ARMC9: variants seen among roughly 807,000 people sequenced by gnomAD.
ARMC9 encodes armadillo repeat containing 9, also known as lisH domain-containing protein ARMC9.
Under a neutral mutation model 107.0 loss-of-function variants are expected in ARMC9, and 94 were observed. The ratio of observed to expected loss-of-function variants is 0.88; its 90% CI spans 0.74 to 1.04. The LOEUF is 1.04. Ranked by LOEUF, ARMC9 falls within the 50% of genes least tolerant of loss-of-function variation. ARMC9 has a pLI of 0.00. For synonymous variants in ARMC9, 380 were observed against 396.9 expected, an observed-to-expected ratio of 0.96 and a Z score of 0.51; for missense variants, 942 against 1,030.1, an observed-to-expected ratio of 0.91 and a Z score of 1.17.
In ARMC9 at chr2:231,372,421, T is replaced by G. The variant is rs2046056183; in HGVS notation, c.*886T>G. The G allele has an allele frequency of 6.6e-6, 1 of 152,156 alleles. No homozygotes were observed. Among genetic ancestry groups the G allele is most frequent in the Non-Finnish European group, 1.5e-5 (1 of 68,070 alleles). 9.4% of individuals were successfully genotyped at this position (152,156 alleles called of 1,614,324 possible). On this transcript the variant is annotated 3_prime_UTR_variant, in exon 25 of 25. Transcript: ENST00000611582. ...TGTTCCAGCCTCTTCAAAGCTCTGC[T>G]CTTCTGCACACGTTTTTTGAAGGCC...
intron 17 of ARMC9, among the ~76,000 whole-genome samples, chr2:231,282,666 T>C (rs1005023498): frequency 2.6e-5 from 4 of 152,258 alleles, no homozygotes; most frequent in Admixed American, 2.6e-4. Context: ...GGATTAAATA[T>C]ATTTCCACCT....
chr2:231,314,592 C>T (rs756889971), intron 19 of ARMC9, among the ~76,000 whole-genome samples: 5 of 152,294 alleles, frequency 3.3e-5, no homozygotes, highest in South Asian at 2.1e-4. Context: ...GGGTGTTTAG[C>T]GGCATCCATG....
intron 21 of ARMC9, among the ~76,000 whole-genome samples, chr2:231,354,376 A>ATTTTTTT (rs67988812): frequency 1.5e-5 from 1 of 66,644 alleles, no homozygotes; most frequent in African/African-American, 5.6e-5. Flanking sequence ...AGCCATGTGA[A>ATTTTTTT]TTTTTTTTTT....
At chr2:231,240,354 A>G (rs1014791359) in intron 9 of ARMC9, among the ~76,000 whole-genome samples, 2 of 152,208 alleles carry the variant, frequency 1.3e-5, no homozygotes, top group African/African-American at 2.4e-5. Context: ...AAGCACTGCC[A>G]TAGTGGAAAT....
intron 19 of ARMC9, among the ~76,000 whole-genome samples, chr2:231,296,706 T>G (rs1420295626): frequency 6.6e-6 from 1 of 152,212 alleles, no homozygotes; most frequent in African/African-American, 2.4e-5. Flanking sequence ...TTATTTGCAT[T>G]CTTTTGACTT....
At chr2:231,332,090 A>G (rs1205606348) in intron 20 of ARMC9, among the ~76,000 whole-genome samples, 193 bp downstream of exon 20, 1 of 152,238 alleles carries the variant, frequency 6.6e-6, no homozygotes, top group African/African-American at 2.4e-5. Context: ...TGTCACAAGT[A>G]GACAGGTGTA....
chr2:231,204,460 A>C (rs2031645066), intron 1 of ARMC9, among the ~76,000 whole-genome samples: 1 of 152,148 alleles, frequency 6.6e-6, no homozygotes, highest in East Asian at 1.9e-4. Context: ...TCACATTCCC[A>C]GTGAGGCCAT....
At chr2:231,366,941 C>T (rs1451658214) in intron 23 of ARMC9, among the ~76,000 whole-genome samples, 1 of 150,654 alleles carries the variant, frequency 6.6e-6, no homozygotes, top group Non-Finnish European at 1.5e-5. Context: ...ACCTCTGCCT[C>T]CCGGGTTCAC....
At chr2:231,241,449 C>T (rs2125374860) in intron 9 of ARMC9, among the ~76,000 whole-genome samples, 1 of 152,130 alleles carries the variant, frequency 6.6e-6, no homozygotes, top group South Asian at 2.1e-4. Flanking sequence ...CAACCTGCTG[C>T]CCCATTCACA....
chr2:231,263,214 G>A (rs1428502153), intron 12 of ARMC9, among the ~76,000 whole-genome samples: 2 of 152,190 alleles, frequency 1.3e-5, no homozygotes, highest in East Asian at 3.8e-4. Flanking sequence ...TTCACAACGT[G>A]TGCACTGAGT....
chr2:231,256,713 G>C (rs1339656952), intron 10 of ARMC9, 93 bp downstream of exon 10: 2 of 1,373,366 alleles, frequency 1.5e-6, no homozygotes, highest in Non-Finnish European at 2.1e-6. Context: ...TAGCAGCCTA[G>C]GTTAGAGGAA....
intron 22 of ARMC9, among the ~76,000 whole-genome samples, chr2:231,359,508 A>G (rs79796507): frequency 7.0e-4 from 107 of 152,164 alleles, no homozygotes; most frequent in Non-Finnish European, 4.6e-4. Flanking sequence ...ACTCCAGCTC[A>G]GTTCCTCCTT....
chr2:231,252,241 A>G (rs1162502921), intron 9 of ARMC9, among the ~76,000 whole-genome samples: 1 of 152,132 alleles, frequency 6.6e-6, no homozygotes, highest in Non-Finnish European at 1.5e-5. Flanking sequence ...TTCTTTATAT[A>G]TTATGGTAAT....
chr2:231,242,150 C>CTTTTTTTTTTTTTTTTT (rs779277500), intron 9 of ARMC9, among the ~76,000 whole-genome samples: 1 of 139,922 alleles, frequency 7.1e-6, no homozygotes. Context: ...AGTTCAAATG[C>CTTTTTTTTTTTTTTTTT]TTTTTTTTTT....
Position 231,345,017 on chromosome 2 carries a change from A to G in ARMC9, c.1921A>G (p.Asn641Asp), listed in dbSNP as rs776107559. The change falls in exon 21 of 25, where the codon AAT (asparagine) becomes GAT (aspartate). Residue 641 changes from asparagine (N) to aspartate (D), a missense_variant. Asn to Asp is a conservative substitution (Grantham distance 23, BLOSUM62 1). Coordinates refer to ENST00000611582, the MANE Select transcript of ARMC9 (RefSeq NM_001352754.2). Reference sequence around the variant, plus strand: ...GAAGACAAGGCGGAAGGGGCTGGCTAATGTGCAGTGGAGCGGGGATGAGCC... The same window carrying G: ...GAAGACAAGGCGGAAGGGGCTGGCTGATGTGCAGTGGAGCGGGGATGAGCC... ...TGKTRRKGLA[N>D]VQWSGDEPLQ... 11 of 1,613,886 alleles carry G rather than the reference A, an allele frequency of 6.8e-6. No homozygotes were observed. The highest frequency in any genetic ancestry group is 8.5e-6 in the Non-Finnish European group (10 of 1,179,994).
intron 19 of ARMC9, among the ~76,000 whole-genome samples, chr2:231,298,528 G>A (rs553082404): frequency 6.6e-6 from 1 of 152,278 alleles, no homozygotes; most frequent in South Asian, 2.1e-4. Context: ...TATTTGCAAG[G>A]TGTTGGAGTC....
intron 19 of ARMC9, among the ~76,000 whole-genome samples, chr2:231,322,741 A>G (rs759545391): frequency 1.3e-5 from 2 of 152,164 alleles, no homozygotes; most frequent in Non-Finnish European, 2.9e-5. Context: ...GTAATCAGTT[A>G]TCACTGAGCT....
At chr2:231,276,359 C>CT (rs1206165038) in intron 14 of ARMC9, among the ~76,000 whole-genome samples, 2 of 151,670 alleles carry the variant, frequency 1.3e-5, no homozygotes, top group Admixed American at 6.6e-5. Context: ...CAACCTCTGC[C>CT]TCCCGGGTTC....
intron 7 of ARMC9, among the ~76,000 whole-genome samples, chr2:231,230,597 A>G (rs948942425): frequency 6.6e-6 from 1 of 152,168 alleles, no homozygotes; most frequent in Non-Finnish European, 1.5e-5. Context: ...AGGAGTATAC[A>G]GTTGTCCCTC....
Sources: gnomAD v4.1 joint callset for allele counts (sites outside exome capture counted in the v4.1 genomes callset) on GRCh38, gnomAD v4.1.1 for gene constraint, MANE v1.5 for transcripts, NCBI Gene and HGNC (gene_info 2026-07-23, HGNC 2026-07-21) for gene names.